ITK: variants seen among roughly 807,000 people sequenced by gnomAD.
ITK encodes IL2 inducible T cell kinase, also known as tyrosine-protein kinase ITK/TSK.
ITK carries 45 observed loss-of-function variants against 87.6 expected under a neutral mutation model. The observed-to-expected ratio is 0.51, with a 90% CI of 0.40 to 0.66. The LOEUF is 0.66. ITK is among the 30% of genes least tolerant of loss of function. The pLI is 0.00. For missense variants in ITK, 605 were observed against 766.3 expected (o/e 0.79, Z 2.48); for synonymous variants, 303 against 273.6 (o/e 1.11, Z -1.06).
chr5:157,245,716 T>C lies in ITK; in HGVS notation c.1450-10T>C, dbSNP rs368847879. ...TCCTCTCCGCCTTTGTTTGCCTGTC[T>C]CCTCTCCAGGCTGCCAGAAATTGTT... On this transcript the variant is annotated splice_polypyrimidine_tract_variant and intron_variant, in intron 13 of 16. Coordinates refer to ENST00000422843, the MANE Select transcript of ITK (RefSeq NM_005546.4). 6 of 1,613,456 alleles carry C rather than the reference T, an allele frequency of 3.7e-6. No homozygotes were observed. Among genetic ancestry groups the C allele is most frequent in the Non-Finnish European group, 5.1e-6 (6 of 1,179,510 alleles).
intron 5 of ITK, among the ~76,000 whole-genome samples, chr5:157,221,129 T>C (rs1172695919): frequency 8.5e-5 from 13 of 152,100 alleles, no homozygotes; most frequent in African/African-American, 3.1e-4. Flanking sequence ...TGTGTTTCTA[T>C]ATAAATATTG....
At chr5:157,222,341 G>A (rs913295150) in intron 5 of ITK, among the ~76,000 whole-genome samples, 10 of 152,168 alleles carry the variant, frequency 6.6e-5, no homozygotes, top group Non-Finnish European at 1.5e-5. Context: ...CTAGAGTAGA[G>A]AGAGTCTTAG....
intron 2 of ITK, among the ~76,000 whole-genome samples, chr5:157,210,480 T>C (rs898285730): frequency 6.6e-6 from 1 of 151,880 alleles, no homozygotes; most frequent in African/African-American, 2.4e-5. Context: ...AGGTGAAATA[T>C]AAAGAAGACT....
intron 4 of ITK, 75 bp from the exon 5 acceptor site, chr5:157,217,792 C>T (rs527928434): frequency 7.4e-7 from 1 of 1,345,834 alleles, no homozygotes; most frequent in East Asian, 2.3e-5. Flanking sequence ...CAGAAAAACC[C>T]CCTGGCTGCT....
intron 6 of ITK, among the ~76,000 whole-genome samples, chr5:157,226,802 GTTTTTTTGT>G (rs1422501509): frequency 7.8e-6 from 1 of 128,476 alleles, no homozygotes; most frequent in Non-Finnish European, 1.9e-5. Flanking sequence ...GTTTTGTTTT[GTTTTTTTGT>G]TTTTTTGAGA....
At chr5:157,204,029 G>A (rs1003779700) in intron 1 of ITK, among the ~76,000 whole-genome samples, 2 of 152,048 alleles carry the variant, frequency 1.3e-5, no homozygotes, top group East Asian at 1.9e-4. Flanking sequence ...TGTTTGAAAC[G>A]GTGTCCTGCT....
At chr5:157,195,819 G>T (rs1365538665) in intron 1 of ITK, 1 of 152,154 alleles carries the variant, frequency 6.6e-6, no homozygotes, top group Non-Finnish European at 1.5e-5. Context: ...TCTGTTTATG[G>T]TTGCATAATA....
chr5:157,200,631 C>T (rs1415500804), intron 1 of ITK, among the ~76,000 whole-genome samples: 2 of 152,124 alleles, frequency 1.3e-5, no homozygotes, highest in African/African-American at 4.8e-5. Flanking sequence ...GAAAGACTGA[C>T]CAACCAGTCA....
chr5:157,222,402 A>T (rs573155037), intron 5 of ITK, among the ~76,000 whole-genome samples: 1 of 152,342 alleles, frequency 6.6e-6, no homozygotes, highest in East Asian at 1.9e-4. Context: ...TCTGGGCCTC[A>T]GTTTCCTCAT....
rs6877602 is a variant in ITK at position 157,183,280 on chromosome 5, G to A, written c.138+2165G>A. ...AAGGCTGCATTAATATTACTCATAA[G>A]TAAATAACATTACACTTATGGGAAG... On this transcript the variant is annotated intron_variant, in intron 1 of 16. Coordinates refer to ENST00000422843, the MANE Select transcript of ITK (RefSeq NM_005546.4). Among the ~76,000 whole-genome samples the A allele has an allele frequency of 5.3e-3, 807 of 152,198 alleles. 7 individuals carry two copies. The highest frequency in any genetic ancestry group is 0.018 in the African/African-American group (749 of 41,560).
rs144735141 is a variant in ITK, at chr5:157,244,372, G to T, written c.1343G>T (p.Arg448Leu). 29 of 1,613,778 alleles carry T rather than the reference G, an allele frequency of 1.8e-5. No homozygotes were observed. The highest frequency in any genetic ancestry group is 3.3e-5 in the Admixed American group (2 of 59,994). ...MEHGCLSDYLRTQRGLFAAET... is the reference protein window; with the variant it reads ...MEHGCLSDYLLTQRGLFAAET... ...CACGGCTGCCTGTCAGATTATCTAC[G>T]CACCCAGCGGGGACTTTTTGCTGCA... is the stretch of plus-strand genomic sequence containing the variant. Residue 448 changes from arginine to leucine, a missense_variant, in exon 13 of 17, where the codon CGC becomes CTC. Physicochemically the swap from Arg to Leu is moderately radical, Grantham distance 102. This residue lies in a region of ITK where 464 missense variants were observed against 578.0 expected (regional missense o/e 0.80). Coordinates refer to ENST00000422843, the MANE Select transcript of ITK (RefSeq NM_005546.4).
intron 13 of ITK, chr5:157,244,812 C>G: frequency 2.8e-6 from 1 of 359,986 alleles, no homozygotes; most frequent in South Asian, 2.3e-5. Context: ...AGGTATTATT[C>G]AAGGGTCTAC....
intron 1 of ITK, chr5:157,195,609 A>T (rs1484278889): frequency 1.3e-5 from 2 of 152,246 alleles, no homozygotes; most frequent in African/African-American, 4.8e-5. Flanking sequence ...CCTACATCAC[A>T]GCAACCACGA....
At chr5:157,198,678 C>A (rs1161127817) in intron 1 of ITK, among the ~76,000 whole-genome samples, 4 of 152,120 alleles carry the variant, frequency 2.6e-5, no homozygotes, top group African/African-American at 9.7e-5. Context: ...GAGGGAGGAA[C>A]TAGGAACAGC....
chr5:157,182,045 C>G (rs1368271041), intron 1 of ITK, among the ~76,000 whole-genome samples: 1 of 152,156 alleles, frequency 6.6e-6, no homozygotes, highest in Non-Finnish European at 1.5e-5. Context: ...CTTCAAGATC[C>G]CTTTCTTCTT....
At chr5:157,234,112 C>T (rs1754728543) in intron 8 of ITK, among the ~76,000 whole-genome samples, 1 of 150,398 alleles carries the variant, frequency 6.6e-6, no homozygotes, top group South Asian at 2.1e-4. Context: ...TCCTAAGTAG[C>T]TGGGATTACA....
chr5:157,186,628 A>G (rs1223324062), intron 1 of ITK, among the ~76,000 whole-genome samples: 2 of 151,886 alleles, frequency 1.3e-5, no homozygotes, highest in Non-Finnish European at 2.9e-5. Flanking sequence ...GAGAGCCAAG[A>G]TTGTGCGATT....
chr5:157,242,364 G>T (rs1031439600), intron 11 of ITK, among the ~76,000 whole-genome samples: 1 of 152,116 alleles, frequency 6.6e-6, no homozygotes, highest in Non-Finnish European at 1.5e-5. Flanking sequence ...CTCCTAGCTT[G>T]GTGGTTCTCA....
intron 1 of ITK, among the ~76,000 whole-genome samples, chr5:157,189,757 AT>A (rs1203092594): frequency 6.6e-6 from 1 of 152,246 alleles, no homozygotes; most frequent in African/African-American, 2.4e-5. Flanking sequence ...ACATGTAAAT[AT>A]CAAACGTGGA....
Sources: gnomAD v4.1 joint callset for allele counts (sites outside exome capture counted in the v4.1 genomes callset) on GRCh38, gnomAD v4.1.1 for gene constraint, gnomAD v4.1.1 regional missense constraint, MANE v1.5 for transcripts, NCBI Gene and HGNC (gene_info 2026-07-23, HGNC 2026-07-21) for gene names.